The following DGKI variants were observed in gnomAD, a reference collection of about 807,000 sequenced individuals.
DGKI encodes diacylglycerol kinase iota, also known as DAG kinase iota.
Under a neutral mutation model 147.5 loss-of-function variants are expected in DGKI, and 55 were observed. The ratio of observed to expected loss-of-function variants is 0.37; its 90% CI spans 0.30 to 0.47. The LOEUF (loss-of-function observed/expected upper bound fraction) is 0.47, where lower values mean the gene tolerates loss of function less well. DGKI is among the 20% of genes least tolerant of loss of function. The pLI is 1.00. For synonymous variants in DGKI, 469 were observed against 477.1 expected (o/e 0.98, Z 0.22); for missense variants, 1,007 against 1,323.8 (o/e 0.76, Z 3.71).
At chr7:137,814,911 G>C (rs1019594671) in intron 1 of DGKI, among the ~76,000 whole-genome samples, 2 of 152,062 alleles carry the variant, frequency 1.3e-5, no homozygotes, top group African/African-American at 2.4e-5. Context: ...CACTCCTTCA[G>C]CAGCAATTCC....
At position 137,388,160 on chromosome 7, in the gene DGKI, G is replaced by T. The variant is rs1025170676; in HGVS notation, c.*3060C>A. On this transcript the variant is annotated 3_prime_UTR_variant, in exon 33 of 33. Transcript: ENST00000614521. ...TCTGAAAGCAAAATTCCTAGTCATG[G>T]TATTTATTCCATTCTTGGCTTACTA... 6.6e-6 allele frequency: 1 copy of T among 152,146 alleles called. No individual in the cohort carries two copies. Among genetic ancestry groups the T allele is most frequent in the Non-Finnish European group, 1.5e-5 (1 of 68,026 alleles). 9.4% of individuals were successfully genotyped at this position (152,146 alleles called of 1,614,324 possible).
chr7:137,840,061 T>C (rs1176562219), intron 1 of DGKI, among the ~76,000 whole-genome samples: 1 of 152,188 alleles, frequency 6.6e-6, no homozygotes, highest in African/African-American at 2.4e-5. Flanking sequence ...ACAAGATGAT[T>C]TAATTTTCTC....
intron 20 of DGKI, among the ~76,000 whole-genome samples, chr7:137,528,788 A>G (rs1042994938): frequency 6.6e-6 from 1 of 152,170 alleles, no homozygotes; most frequent in Non-Finnish European, 1.5e-5. Flanking sequence ...ACCAAGCAGT[A>G]AGATGCTAAT....
At chr7:137,635,437 T>G (rs1821275481) in intron 6 of DGKI, among the ~76,000 whole-genome samples, 1 of 152,214 alleles carries the variant, frequency 6.6e-6, no homozygotes, top group Non-Finnish European at 1.5e-5. Flanking sequence ...TCAATGCATA[T>G]TCAGGATATG....
chr7:137,572,760 C>A lies in DGKI; in HGVS notation c.1835+5G>T. The A allele has an allele frequency of 6.3e-7, 1 of 1,591,018 alleles. No individual in the cohort carries two copies. Reference sequence around the variant, plus strand: ...AACCAAGGAAACAATACAAACAGAGCCTACCTGGGTATATTTAAAAATACT... The same window carrying A: ...AACCAAGGAAACAATACAAACAGAGACTACCTGGGTATATTTAAAAATACT... On this transcript the variant is annotated splice_donor_5th_base_variant and intron_variant, in intron 18 of 32. Coordinates refer to ENST00000614521, the MANE Select transcript of DGKI (RefSeq NM_001321708.2).
At chr7:137,602,298 C>T (rs1820018535) in intron 10 of DGKI, among the ~76,000 whole-genome samples, 1 of 151,988 alleles carries the variant, frequency 6.6e-6, no homozygotes, top group African/African-American at 2.4e-5. Context: ...CTAACATCTT[C>T]CAAAAAATAA....
At chr7:137,615,531 A>ATGTATG (rs1554442073) in intron 8 of DGKI, among the ~76,000 whole-genome samples, 1 of 135,760 alleles carries the variant, frequency 7.4e-6, no homozygotes, top group Non-Finnish European at 1.7e-5. Flanking sequence ...ATATGTATGT[A>ATGTATG]TGTGTGTGTG....
chr7:137,699,420 T>G (rs1823902980), intron 1 of DGKI, among the ~76,000 whole-genome samples: 1 of 152,230 alleles, frequency 6.6e-6, no homozygotes, highest in South Asian at 2.1e-4. Flanking sequence ...ATGCCTCCTT[T>G]GTCTCCTCCA....
chr7:137,716,317 C>T (rs1794375482), intron 1 of DGKI, among the ~76,000 whole-genome samples: 2 of 152,254 alleles, frequency 1.3e-5, no homozygotes, highest in South Asian at 4.1e-4. Context: ...GCAAGAAAGG[C>T]CTTTAAATGA....
At chr7:137,716,787 A>G (rs557132567) in intron 1 of DGKI, among the ~76,000 whole-genome samples, 17 of 152,304 alleles carry the variant, frequency 1.1e-4, no homozygotes, top group African/African-American at 2.6e-4. Context: ...CTCTGCTCCT[A>G]TTTAAACATT....
chr7:137,683,817 C>T (rs1470400573), intron 2 of DGKI, among the ~76,000 whole-genome samples: 3 of 148,564 alleles, frequency 2.0e-5, no homozygotes, highest in Admixed American at 6.9e-5. Flanking sequence ...GATAGATTTA[C>T]ATCGATAGAT....
At chr7:137,498,789 C>T (rs75644608) in intron 21 of DGKI, among the ~76,000 whole-genome samples, 2,051 of 152,238 alleles carry the variant, frequency 0.013, 44 homozygotes, top group African/African-American at 0.046. Context: ...AATATATTGA[C>T]ACTATATTAC....
At chr7:137,525,540 T>C (rs896417573) in intron 20 of DGKI, among the ~76,000 whole-genome samples, 5 of 152,182 alleles carry the variant, frequency 3.3e-5, no homozygotes, top group Non-Finnish European at 7.3e-5. Context: ...CCAAGTCAGA[T>C]TGCCTGGATT....
intron 1 of DGKI, among the ~76,000 whole-genome samples, chr7:137,709,235 T>C (rs1794143473): frequency 6.6e-6 from 1 of 152,192 alleles, no homozygotes; most frequent in African/African-American, 2.4e-5. Flanking sequence ...ATTATGAAAC[T>C]AAGGAAGCTT....
chr7:137,714,847 AG>A (rs1409672809), intron 1 of DGKI, among the ~76,000 whole-genome samples: 8 of 152,184 alleles, frequency 5.3e-5, no homozygotes, highest in African/African-American at 1.9e-4. Context: ...CCTTCATGCA[AG>A]GGTGTCCCTC....
chr7:137,672,811 G>A (rs1338472892), intron 3 of DGKI, among the ~76,000 whole-genome samples: 2 of 102,044 alleles, frequency 2.0e-5, no homozygotes, highest in Admixed American at 2.7e-4. Context: ...AGGGAGTTTC[G>A]CTCTTTTTGC....
intron 28 of DGKI, among the ~76,000 whole-genome samples, chr7:137,425,561 C>T (rs909694396): frequency 6.6e-6 from 1 of 152,186 alleles, no homozygotes; most frequent in East Asian, 1.9e-4. Flanking sequence ...ATGACTTTGA[C>T]GAGTTGAGAG....
At position 137,690,015 on chromosome 7, in the gene DGKI, G is replaced by GAAAAAC. The variant is rs1213263740; in HGVS notation, c.402-19_402-14dup. ...GGAGATTGCTTTCCTGCAGCAAGAA[G>GAAAAAC]AAAAACAAAAACAAAAACAAAGAAA... On this transcript the variant is annotated splice_polypyrimidine_tract_variant and intron_variant, in intron 1 of 32. Coordinates refer to ENST00000614521, the MANE Select transcript of DGKI (RefSeq NM_001321708.2). 8.4e-6 allele frequency: 13 copies of GAAAAAC among 1,541,190 alleles called. No individual in the cohort carries two copies. The East Asian group carries it at 2.0e-4, about 24-fold the overall frequency.
At chr7:137,469,703 T>C in intron 23 of DGKI, 84 bp from the exon 24 acceptor site, 1 of 1,289,510 alleles carries the variant, frequency 7.8e-7, no homozygotes, top group East Asian at 2.3e-5. Context: ...CATCCTTTCC[T>C]ACACAAAGCA....
Sources: allele counts gnomAD v4.1 joint callset (sites outside exome capture counted in the v4.1 genomes callset), GRCh38; gene constraint gnomAD v4.1.1; transcripts MANE v1.5; gene names NCBI Gene and HGNC (gene_info 2026-07-23, HGNC 2026-07-21).